The following AASDHPPT variants were observed in gnomAD, a reference collection of about 807,000 sequenced individuals.
AASDHPPT encodes aminoadipate-semialdehyde dehydrogenase-phosphopantetheinyl transferase, also known as L-aminoadipate-semialdehyde dehydrogenase-phosphopantetheinyl transferase.
AASDHPPT carries 23 observed loss-of-function variants against 36.4 expected under a neutral mutation model. That is an observed-to-expected ratio of 0.63 (90% CI 0.45 to 0.89). AASDHPPT has a LOEUF of 0.89. Ranked by LOEUF, AASDHPPT falls within the 40% of genes least tolerant of loss-of-function variation. AASDHPPT has a pLI of 0.00. For synonymous variants in AASDHPPT, 115 were observed against 128.0 expected (o/e 0.90, Z 0.68); for missense variants, 377 against 378.2 (o/e 1.00, Z 0.03).
rs972073533 is a variant in AASDHPPT, at chr11:106,097,842, G to A, written c.*935G>A. The A allele has an allele frequency of 3.9e-5, 6 of 152,064 alleles. No homozygotes were observed. Among genetic ancestry groups the A allele is most frequent in the Non-Finnish European group, 7.4e-5 (5 of 67,974 alleles). The allele number at this position is 152,064 out of a possible 1,614,324, so 9.4% of individuals were successfully genotyped here. ...GAAGCTAAGCTAGGTGTGAAGAATG[G>A]AATTGGAAGCCCACTGCCTTCCCAT... On this transcript the variant is annotated 3_prime_UTR_variant, in exon 6 of 6. Transcript: ENST00000278618.
rs373397044 is a variant in AASDHPPT, at chr11:106,094,665, A to G, written c.765+11A>G. The G allele has an allele frequency of 6.3e-7, 1 of 1,585,594 alleles. No individual in the cohort carries two copies. The highest frequency in any genetic ancestry group is 8.6e-7 in the Non-Finnish European group (1 of 1,166,814). ...TCTAGACATCAGGATGTAAGATTTT[A>G]GGATTTCTCTTTTTTCTAAATAGCA... On this transcript the variant is annotated intron_variant, in intron 5 of 5. Coordinates refer to ENST00000278618, the MANE Select transcript of AASDHPPT (RefSeq NM_015423.3).
intron 2 of AASDHPPT, among the ~76,000 whole-genome samples, chr11:106,086,539 C>A (rs1861199493): frequency 6.6e-6 from 1 of 152,196 alleles, no homozygotes; most frequent in Non-Finnish European, 1.5e-5. Context: ...AGAGTCCATT[C>A]TCTGGCCCCC....
rs374004035 is a variant in AASDHPPT at position 106,077,690 on chromosome 11, G to A, written c.-21G>A. Reference sequence around the variant, plus strand: ...TCCGCGCCATCAGGCCCGAGATAGCGGCGAGGTCCGCTTTCAGTGTATGGT... The same window carrying A: ...TCCGCGCCATCAGGCCCGAGATAGCAGCGAGGTCCGCTTTCAGTGTATGGT... On this transcript the variant is annotated 5_prime_UTR_variant, in exon 1 of 6. Coordinates refer to ENST00000278618, the MANE Select transcript of AASDHPPT (RefSeq NM_015423.3). 43 of 1,604,782 alleles carry A rather than the reference G, an allele frequency of 2.7e-5. 1 individual carries two copies. Among genetic ancestry groups the A allele is most frequent in the Non-Finnish European group, 3.5e-5 (41 of 1,173,106 alleles).
At chr11:106,085,267 A>G (rs1565410868) in intron 2 of AASDHPPT, among the ~76,000 whole-genome samples, 1 of 151,918 alleles carries the variant, frequency 6.6e-6, no homozygotes, top group Non-Finnish European at 1.5e-5. Context: ...ACGCCCGGCT[A>G]ATTTTTTGTA....
chr11:106,088,052 C>T (rs775636557), intron 2 of AASDHPPT, among the ~76,000 whole-genome samples: 4 of 152,024 alleles, frequency 2.6e-5, no homozygotes, highest in Non-Finnish European at 4.4e-5. Context: ...GTGCTTTGGC[C>T]GAATATTTAC....
intron 3 of AASDHPPT, 95 bp downstream of exon 3, chr11:106,090,773 C>T: frequency 6.8e-7 from 1 of 1,465,308 alleles, no homozygotes; most frequent in Non-Finnish European, 9.1e-7. Context: ...AGTGTCCAAA[C>T]AGTGCTTGAA....
At chr11:106,088,011 A>G (rs1861213530) in intron 2 of AASDHPPT, among the ~76,000 whole-genome samples, 1 of 152,176 alleles carries the variant, frequency 6.6e-6, no homozygotes, top group Non-Finnish European at 1.5e-5. Flanking sequence ...CCCACTGTAT[A>G]TCCACCATAA....
Position 106,097,503 on chromosome 11 carries a change from A to G in AASDHPPT, c.*596A>G, listed in dbSNP as rs1382214959. On this transcript the variant is annotated 3_prime_UTR_variant, in exon 6 of 6. Transcript: ENST00000278618. ...AACCTAGGAAATTGTTTGACATAACACAGGGTTCAGGGGTGTCATTAAAGA... is the reference window on the plus strand; with the variant it reads ...AACCTAGGAAATTGTTTGACATAACGCAGGGTTCAGGGGTGTCATTAAAGA... 6.6e-6 allele frequency: 1 copy of G among 152,392 alleles called. No homozygotes were observed. Among genetic ancestry groups the G allele is most frequent in the Admixed American group, 6.5e-5 (1 of 15,272 alleles). 9.4% of individuals were successfully genotyped at this position (152,392 alleles called of 1,614,324 possible).
chr11:106,091,391 T>G lies in AASDHPPT; in HGVS notation c.607T>G (p.Ser203Ala), dbSNP rs866368918. 4 of 1,610,302 alleles carry G rather than the reference T, an allele frequency of 2.5e-6. No individual in the cohort carries two copies. Among genetic ancestry groups the G allele is most frequent in the Middle Eastern group, 1.7e-4 (1 of 6,050 alleles). The change falls in exon 4 of 6, where the codon TCT (serine) becomes GCT (alanine). Residue 203 changes from serine (S) to alanine (A), a missense_variant. Coordinates refer to ENST00000278618, the MANE Select transcript of AASDHPPT (RefSeq NM_015423.3). ...ATTGCAGCGGCTTGAATTTGATCTA[T>G]CTCCATTAAACTTGGATATAGGCCA... ...FELQRLEFDL[S>A]PLNLDIGQVY...
At chr11:106,094,171 CAT>C (rs1861288711) in intron 4 of AASDHPPT, 1 of 153,900 alleles carries the variant, frequency 6.5e-6, no homozygotes, top group African/African-American at 2.4e-5. Flanking sequence ...GCTAACAAGA[CAT>C]GACAACTGAA....
chr11:106,083,073 C>T (rs527547853), intron 2 of AASDHPPT, among the ~76,000 whole-genome samples: 1 of 151,756 alleles, frequency 6.6e-6, no homozygotes, highest in Admixed American at 6.6e-5. Context: ...GATTTAAAAC[C>T]TGTAAGTAGT....
rs1451646317 is a variant in AASDHPPT at position 106,077,798 on chromosome 11, C to A, written c.88C>A (p.Arg30=). 1 of 1,614,162 alleles carries A rather than the reference C, an allele frequency of 6.2e-7. No individual in the cohort carries two copies. The highest frequency in any genetic ancestry group is 1.1e-5 in the South Asian group (1 of 91,088). ...AFSCGTWLPS[R]AEWLLAVRSI... is the part of the protein sequence containing the mutation. Reference sequence around the variant, plus strand: ...TTCCTGCGGCACTTGGCTGCCGAGCCGAGCCGAATGGCTGCTGGCAGTGCG... The same window carrying A: ...TTCCTGCGGCACTTGGCTGCCGAGCAGAGCCGAATGGCTGCTGGCAGTGCG... Residue 30 remains arginine, a synonymous_variant, in exon 1 of 6, where the codon CGA becomes AGA. Transcript: ENST00000278618.
Position 106,079,346 on chromosome 11 carries a change from A to T in AASDHPPT, c.184-121A>T, listed in dbSNP as rs1187101572. ...TTAATTAACGTGTGTTTAATACTTA[A>T]GTATTTTGAAAAGTTTTAAAAATGA... is the stretch of plus-strand genomic sequence containing the variant. On this transcript the variant is annotated intron_variant, in intron 1 of 5. Coordinates refer to ENST00000278618, the MANE Select transcript of AASDHPPT (RefSeq NM_015423.3). The T allele has an allele frequency of 3.8e-6, 3 of 791,166 alleles. No individual in the cohort carries two copies. The African/African-American group carries it at 5.3e-5, about 14-fold the overall frequency. The allele number at this position is 791,166 out of a possible 1,614,324, so 49.0% of individuals were successfully genotyped here. A position where few individuals can be genotyped will look rare whatever the true frequency, so the allele number is the denominator to read the frequency against.
Position 106,096,924 on chromosome 11 carries a change from A to G in AASDHPPT, c.*17A>G. 6.3e-7 allele frequency: 1 copy of G among 1,576,964 alleles called. No homozygotes were observed. Among genetic ancestry groups the G allele is most frequent in the East Asian group, 2.3e-5 (1 of 43,108 alleles). ...AAGTCATGATGATTCCCTGAGTAAC[A>G]AAGGGAAATGAAAACTGTTTGTGAT... On this transcript the variant is annotated 3_prime_UTR_variant, in exon 6 of 6. Transcript: ENST00000278618.
At chr11:106,083,595 CT>C (rs1443863500) in intron 2 of AASDHPPT, among the ~76,000 whole-genome samples, 2 of 152,016 alleles carry the variant, frequency 1.3e-5, no homozygotes, top group African/African-American at 4.8e-5. Context: ...TCATTGTAAA[CT>C]AAAAAGAGTA....
rs776930791 is a variant in AASDHPPT at position 106,077,688 on chromosome 11, G to T, written c.-23G>T. On this transcript the variant is annotated 5_prime_UTR_variant, in exon 1 of 6. Coordinates refer to ENST00000278618, the MANE Select transcript of AASDHPPT (RefSeq NM_015423.3). ...CGTCCGCGCCATCAGGCCCGAGATA[G>T]CGGCGAGGTCCGCTTTCAGTGTATG... 7 of 1,603,630 alleles carry T rather than the reference G, an allele frequency of 4.4e-6. No individual in the cohort carries two copies. Among genetic ancestry groups the T allele is most frequent in the South Asian group, 2.2e-5 (2 of 90,784 alleles).
At chr11:106,088,956 C>G (rs1195153580) in intron 2 of AASDHPPT, among the ~76,000 whole-genome samples, 1 of 151,982 alleles carries the variant, frequency 6.6e-6, no homozygotes, top group Non-Finnish European at 1.5e-5. Context: ...CTGGGAGAAT[C>G]ATAACTATTT....
chr11:106,085,713 C>T (rs981648462), intron 2 of AASDHPPT, among the ~76,000 whole-genome samples: 2 of 152,202 alleles, frequency 1.3e-5, no homozygotes, highest in Non-Finnish European at 2.9e-5. Flanking sequence ...TGACAACAAC[C>T]TCAGAGCTAA....
chr11:106,081,588 AG>A (rs1861141980), intron 2 of AASDHPPT, among the ~76,000 whole-genome samples: 1 of 152,164 alleles, frequency 6.6e-6, no homozygotes, highest in African/African-American at 2.4e-5. Flanking sequence ...AGAAATGGAA[AG>A]GCCATTGTTT....
Sources: allele counts gnomAD v4.1 joint callset (sites outside exome capture counted in the v4.1 genomes callset), GRCh38; gene constraint gnomAD v4.1.1; transcripts MANE v1.5; gene names NCBI Gene and HGNC (gene_info 2026-07-23, HGNC 2026-07-21).